Variants in LRFN5 observed in about 807,000 individuals in gnomAD.
The protein encoded by LRFN5 is leucine-rich repeat and fibronectin type-III domain-containing protein 5.
LRFN5 carries 24 observed loss-of-function variants against 45.6 expected under a neutral mutation model. The ratio of observed to expected loss-of-function variants is 0.53; its 90% CI spans 0.38 to 0.74. The LOEUF (loss-of-function observed/expected upper bound fraction) is 0.74. Ranked by LOEUF, LRFN5 falls within the 30% of genes least tolerant of loss-of-function variation. The pLI, the probability that LRFN5 is intolerant of heterozygous loss-of-function variation, is 0.00. For synonymous variants in LRFN5, 340 were observed against 313.8 expected (o/e 1.08, Z -0.88); for missense variants, 776 against 861.5 (o/e 0.90, Z 1.24).
chr14:41,804,235 A>G (rs1887440916), intron 2 of LRFN5, among the ~76,000 whole-genome samples: 1 of 152,040 alleles, frequency 6.6e-6, no homozygotes, highest in South Asian at 2.1e-4. Flanking sequence ...TTTGGCAGAG[A>G]GGGAGATGCC....
intron 1 of LRFN5, chr14:41,701,168 C>G (rs1291861866): frequency 6.6e-6 from 1 of 151,988 alleles, no homozygotes; most frequent in Non-Finnish European, 1.5e-5. Flanking sequence ...CAATTAGATG[C>G]TATTGTAGAA....
At chr14:41,673,428 G>A (rs1338360784) in intron 1 of LRFN5, among the ~76,000 whole-genome samples, 3 of 146,006 alleles carry the variant, frequency 2.1e-5, no homozygotes, top group Non-Finnish European at 4.5e-5. Context: ...GGACCGGGCG[G>A]CTGGCCGGGC....
At chr14:41,685,009 CAAAG>C (rs1566620319) in intron 1 of LRFN5, among the ~76,000 whole-genome samples, 4 of 152,108 alleles carry the variant, frequency 2.6e-5, no homozygotes, top group Non-Finnish European at 1.5e-5. Context: ...AAATATTTTT[CAAAG>C]AAAGACATAC....
intron 1 of LRFN5, among the ~76,000 whole-genome samples, chr14:41,674,223 C>A (rs1356424736): frequency 8.0e-5 from 9 of 113,006 alleles, no homozygotes; most frequent in Non-Finnish European, 9.3e-5. Flanking sequence ...ACCTCCCTCC[C>A]GGACGGGGCG....
At chr14:41,729,389 A>G (rs886468071) in intron 1 of LRFN5, among the ~76,000 whole-genome samples, 2 of 152,110 alleles carry the variant, frequency 1.3e-5, no homozygotes, top group Non-Finnish European at 2.9e-5. Context: ...GAAGCCTGCA[A>G]TAGAAGCAGA....
intron 1 of LRFN5, among the ~76,000 whole-genome samples, chr14:41,692,895 T>A (rs529769155): frequency 5.4e-4 from 82 of 152,128 alleles, no homozygotes; most frequent in Non-Finnish European, 1.0e-3. Flanking sequence ...ATGATATACA[T>A]CAAACAAGCT....
chr14:41,793,296 A>G (rs983222008), intron 2 of LRFN5, among the ~76,000 whole-genome samples: 49 of 152,036 alleles, frequency 3.2e-4, no homozygotes, highest in Admixed American at 3.2e-3. Context: ...ATGCGCTCCT[A>G]AATCATATGT....
intron 2 of LRFN5, among the ~76,000 whole-genome samples, chr14:41,808,705 A>C (rs368320026): frequency 1.2e-4 from 18 of 152,184 alleles, no homozygotes; most frequent in African/African-American, 4.3e-4. Flanking sequence ...AAACAAGATA[A>C]ATCAAAATAA....
intron 2 of LRFN5, among the ~76,000 whole-genome samples, chr14:41,813,333 G>A (rs1379436194): frequency 2.0e-5 from 3 of 151,896 alleles, no homozygotes; most frequent in South Asian, 4.1e-4. Flanking sequence ...TCTCCTAATG[G>A]TATCCTTCCC....
rs1263993127 is a variant in LRFN5 at position 41,674,465 on chromosome 14, C to T, written c.-197+65903C>T. On this transcript the variant is annotated intron_variant, in intron 1 of 5. Coordinates refer to ENST00000298119, the MANE Select transcript of LRFN5 (RefSeq NM_152447.5). ...CAGTAGGGGCGGCCGGGCAGAGGCGCCCCTCACCTCCCGGACGGGGTGGCT... is the reference window on the plus strand; with the variant it reads ...CAGTAGGGGCGGCCGGGCAGAGGCGTCCCTCACCTCCCGGACGGGGTGGCT... Among the ~76,000 whole-genome samples, 30 of 134,982 alleles carry T rather than the reference C, an allele frequency of 2.2e-4. 1 individual carries two copies. Among genetic ancestry groups the T allele is most frequent in the South Asian group, 1.0e-3 (4 of 3,980 alleles). 88.6% of individuals were successfully genotyped at this position (134,982 alleles called of 152,430 possible).
intron 2 of LRFN5, among the ~76,000 whole-genome samples, chr14:41,838,614 A>G (rs1257941073): frequency 6.6e-6 from 1 of 152,172 alleles, no homozygotes; most frequent in Non-Finnish European, 1.5e-5. Flanking sequence ...AGAAACTCAG[A>G]TGGGGGTGCA....
At chr14:41,644,973 A>G (rs1879746152) in intron 1 of LRFN5, among the ~76,000 whole-genome samples, 1 of 152,182 alleles carries the variant, frequency 6.6e-6, no homozygotes, top group Admixed American at 6.5e-5. Context: ...GTTCCTTTAG[A>G]ACAACCACAG....
intron 1 of LRFN5, among the ~76,000 whole-genome samples, chr14:41,637,610 C>T (rs1401566780): frequency 1.3e-5 from 2 of 151,984 alleles, no homozygotes; most frequent in Non-Finnish European, 2.9e-5. Context: ...TCAGTCAAGC[C>T]CAGAACTCAT....
intron 2 of LRFN5, among the ~76,000 whole-genome samples, chr14:41,875,322 G>A (rs1008654749): frequency 2.0e-5 from 3 of 152,226 alleles, no homozygotes; most frequent in African/African-American, 7.2e-5. Context: ...CCAAACTCCT[G>A]CTGTTCCAGC....
intron 4 of LRFN5, chr14:41,893,036 TAA>T: frequency 1.0e-6 from 1 of 984,966 alleles, no homozygotes; most frequent in Non-Finnish European, 1.2e-6. Flanking sequence ...TTATAAGTCA[TAA>T]AAGTCATTGC....
chr14:41,903,706 ATG>A (rs1891166023), intron 5 of LRFN5, among the ~76,000 whole-genome samples: 1 of 151,950 alleles, frequency 6.6e-6, no homozygotes, highest in Non-Finnish European at 1.5e-5. Context: ...CTACCATTAA[ATG>A]TATTATTAAA....
At chr14:41,795,613 C>A (rs1236554171) in intron 2 of LRFN5, among the ~76,000 whole-genome samples, 1 of 152,032 alleles carries the variant, frequency 6.6e-6, no homozygotes, top group Non-Finnish European at 1.5e-5. Context: ...ATGATGAGTT[C>A]ATGTCCTTTG....
chr14:41,649,613 C>A (rs1371180008), intron 1 of LRFN5, among the ~76,000 whole-genome samples: 1 of 152,052 alleles, frequency 6.6e-6, no homozygotes, highest in East Asian at 1.9e-4. Context: ...AGCAAGAATC[C>A]CCCATCCTCA....
At chr14:41,883,486 A>C (rs1305115196) in intron 2 of LRFN5, among the ~76,000 whole-genome samples, 1 of 152,146 alleles carries the variant, frequency 6.6e-6, no homozygotes, top group East Asian at 1.9e-4. Context: ...TTACATTTTC[A>C]TATAAGTGCA....
Sources: allele counts gnomAD v4.1 joint callset (sites outside exome capture counted in the v4.1 genomes callset), GRCh38; gene constraint gnomAD v4.1.1; transcripts MANE v1.5; gene names NCBI Gene and HGNC (gene_info 2026-07-23, HGNC 2026-07-21).